Variants in PLS1 observed in about 807,000 individuals in gnomAD.
PLS1 encodes the protein plastin 1.
In PLS1, 32 loss-of-function variants were observed where a neutral mutation model predicts 73.7. The ratio of observed to expected loss-of-function variants is 0.43; its 90% CI spans 0.33 to 0.58. PLS1 has a LOEUF of 0.58. Among genes scored for constraint, PLS1 ranks in the 20% least tolerant of loss-of-function variants. The pLI is 0.04. For missense variants in PLS1, 633 were observed against 740.5 expected (o/e 0.85, Z 1.68); for synonymous variants, 217 against 261.3 (o/e 0.83, Z 1.63).
At chr3:142,688,438 T>C (rs1051223807) in intron 9 of PLS1, among the ~76,000 whole-genome samples, 3 of 152,214 alleles carry the variant, frequency 2.0e-5, no homozygotes, top group African/African-American at 7.2e-5. Flanking sequence ...TATTTTTGTG[T>C]GTGGTTGTTT....
At chr3:142,632,735 A>AT (rs1450490916) in intron 1 of PLS1, among the ~76,000 whole-genome samples, 1 of 151,894 alleles carries the variant, frequency 6.6e-6, no homozygotes, top group Non-Finnish European at 1.5e-5. Flanking sequence ...AGTAGCTTGG[A>AT]TTACAGGTAC....
intron 1 of PLS1, among the ~76,000 whole-genome samples, chr3:142,608,746 C>T (rs940847748): frequency 1.3e-5 from 2 of 152,182 alleles, no homozygotes; most frequent in Non-Finnish European, 1.5e-5. Context: ...TTTAAGGCCC[C>T]ACTGAAATTG....
chr3:142,709,534 A>T (rs1933011191), intron 14 of PLS1, among the ~76,000 whole-genome samples: 1 of 152,226 alleles, frequency 6.6e-6, no homozygotes, highest in Admixed American at 6.5e-5. Context: ...TTAATAAATG[A>T]GGCCGGGCAC....
intron 12 of PLS1, among the ~76,000 whole-genome samples, chr3:142,700,530 A>G (rs959780602): frequency 4.6e-5 from 7 of 152,084 alleles, no homozygotes; most frequent in Admixed American, 1.3e-4. Flanking sequence ...TCACCGTGTT[A>G]GCCAGGATGG....
At chr3:142,656,892 C>CA (rs1560052546) in intron 1 of PLS1, 1 of 152,184 alleles carries the variant, frequency 6.6e-6, no homozygotes, top group Non-Finnish European at 1.5e-5. Context: ...CCTCTGATCT[C>CA]AGTCAATTCT....
intron 1 of PLS1, among the ~76,000 whole-genome samples, chr3:142,600,875 T>C (rs1316577274): frequency 1.1e-5 from 1 of 87,582 alleles, no homozygotes; most frequent in Non-Finnish European, 2.1e-5. Context: ...TTGGCCTGGT[T>C]TCATATATAT....
chr3:142,601,805 C>T (rs986377602), intron 1 of PLS1, among the ~76,000 whole-genome samples: 2 of 152,272 alleles, frequency 1.3e-5, no homozygotes, highest in South Asian at 2.1e-4. Flanking sequence ...GCATGAACCA[C>T]TGCACCTGAC....
chr3:142,700,357 C>T (rs1354669097), intron 12 of PLS1, among the ~76,000 whole-genome samples: 1 of 151,962 alleles, frequency 6.6e-6, no homozygotes, highest in Admixed American at 6.6e-5. Flanking sequence ...GAGTCTCGCT[C>T]TGTTGCCCAG....
At chr3:142,690,694 A>G (rs1483227783) in intron 10 of PLS1, among the ~76,000 whole-genome samples, 2 of 152,230 alleles carry the variant, frequency 1.3e-5, no homozygotes, top group Non-Finnish European at 2.9e-5. Context: ...TCTATAACAT[A>G]TTATTTTGTA....
At chr3:142,655,966 T>G (rs1175701363) in intron 1 of PLS1, among the ~76,000 whole-genome samples, 2 of 152,116 alleles carry the variant, frequency 1.3e-5, no homozygotes, top group African/African-American at 2.4e-5. Flanking sequence ...AATTACTTTT[T>G]TTTGTTTGTT....
chr3:142,651,949 C>T (rs2037103509), intron 1 of PLS1, among the ~76,000 whole-genome samples: 1 of 152,190 alleles, frequency 6.6e-6, no homozygotes, highest in Non-Finnish European at 1.5e-5. Context: ...AGGCCTGAAT[C>T]ACACTTCTGA....
chr3:142,631,190 A>C (rs900629295), intron 1 of PLS1, among the ~76,000 whole-genome samples: 1 of 151,928 alleles, frequency 6.6e-6, no homozygotes, highest in East Asian at 1.9e-4. Context: ...CAGCCTTAGC[A>C]ACATGGCAAA....
intron 1 of PLS1, among the ~76,000 whole-genome samples, chr3:142,652,362 T>G (rs576344182): frequency 2.6e-5 from 4 of 152,346 alleles, no homozygotes; most frequent in Non-Finnish European, 5.9e-5. Context: ...TTATTGTGCA[T>G]TGGTCAGTAA....
intron 1 of PLS1, among the ~76,000 whole-genome samples, chr3:142,643,821 T>C (rs1018616420): frequency 1.5e-5 from 2 of 136,370 alleles, no homozygotes; most frequent in East Asian, 2.0e-4. Context: ...AATTTCTTCA[T>C]TTCATTTTTT....
intron 2 of PLS1, among the ~76,000 whole-genome samples, chr3:142,665,616 T>C (rs1364721272): frequency 6.6e-6 from 1 of 152,210 alleles, no homozygotes; most frequent in East Asian, 1.9e-4. Flanking sequence ...ATATTTCTGT[T>C]ATTTTATAGA....
At chr3:142,670,074 G>A (rs1272279678) in intron 3 of PLS1, among the ~76,000 whole-genome samples, 1 of 152,174 alleles carries the variant, frequency 6.6e-6, no homozygotes, top group African/African-American at 2.4e-5. Flanking sequence ...GAGTGGTACA[G>A]GTCCTGTGAG....
intron 1 of PLS1, among the ~76,000 whole-genome samples, chr3:142,650,355 A>G (rs1430894859): frequency 3.3e-5 from 5 of 150,936 alleles, no homozygotes. Flanking sequence ...AGTTGCTGGG[A>G]CTACAGGTGC....
chr3:142,646,034 G>A (rs2036946139), intron 1 of PLS1, among the ~76,000 whole-genome samples: 1 of 152,130 alleles, frequency 6.6e-6, no homozygotes, highest in Non-Finnish European at 1.5e-5. Flanking sequence ...TTAAGGATCT[G>A]GACTTAGCAG....
intron 12 of PLS1, among the ~76,000 whole-genome samples, chr3:142,699,503 G>A (rs557065201): frequency 6.6e-6 from 1 of 152,138 alleles, no homozygotes; most frequent in East Asian, 1.9e-4. Flanking sequence ...ATGGGTTGAT[G>A]GGTGCAGAAA....
Sources: gnomAD v4.1 joint callset for allele counts (sites outside exome capture counted in the v4.1 genomes callset) on GRCh38, gnomAD v4.1.1 for gene constraint, MANE v1.5 for transcripts, NCBI Gene and HGNC (gene_info 2026-07-23, HGNC 2026-07-21) for gene names.